The following CERT1 variants were observed in gnomAD, a reference collection of about 807,000 sequenced individuals.
CERT1 encodes ceramide transfer protein.
In CERT1, 31 loss-of-function variants were observed where a neutral mutation model predicts 87.9. The observed-to-expected ratio is 0.35, with a 90% CI of 0.27 to 0.48. The LOEUF is 0.48. Ranked by LOEUF, CERT1 falls within the 20% of genes least tolerant of loss-of-function variation. The probability of loss-of-function intolerance (pLI) is 0.99; values close to 1 mark genes in which losing one functional copy is unlikely to be tolerated. For missense variants in CERT1, 487 were observed against 758.0 expected (o/e 0.64, Z 4.20); for synonymous variants, 289 against 250.9 (o/e 1.15, Z -1.44).
chr5:75,413,456 TGACTAA>T (rs1390247473), intron 7 of CERT1, among the ~76,000 whole-genome samples: 1 of 152,160 alleles, frequency 6.6e-6, no homozygotes, highest in African/African-American at 2.4e-5. Context: ...TCCACCAGAA[TGACTAA>T]GCCAGGTGCA....
chr5:75,424,471 C>A (rs1490956782), intron 5 of CERT1, among the ~76,000 whole-genome samples: 1 of 151,776 alleles, frequency 6.6e-6, no homozygotes, highest in African/African-American at 2.4e-5. Flanking sequence ...ACTTGGGAGG[C>A]TGAGGCAGGA....
At chr5:75,438,573 GA>G (rs889660758) in intron 3 of CERT1, among the ~76,000 whole-genome samples, 34 of 151,882 alleles carry the variant, frequency 2.2e-4, no homozygotes, top group Non-Finnish European at 3.2e-4. Context: ...TCTTCCACAA[GA>G]AAAAAGAAGG....
At chr5:75,459,347 A>G (rs903542481) in intron 2 of CERT1, among the ~76,000 whole-genome samples, 166 bp from the exon 3 acceptor site, 1 of 152,214 alleles carries the variant, frequency 6.6e-6, no homozygotes, top group African/African-American at 2.4e-5. Flanking sequence ...GTACAAAGGC[A>G]CAGTTACCAA....
In CERT1 at chr5:75,395,140, C is replaced by T. The variant is rs528333421; in HGVS notation, c.1188+4170G>A. On this transcript the variant is annotated intron_variant, in intron 11 of 16. Coordinates refer to ENST00000643780, the MANE Select transcript of CERT1 (RefSeq NM_001379029.1). ...CCCCATAGATTAAGCTGCAAATTCA[C>T]TGTACATCCTTTGATTTCTTTCTTT... 3.3e-5 allele frequency among the ~76,000 whole-genome samples: 5 copies of T among 152,340 alleles called. No homozygotes were observed. The East Asian group carries it at 9.6e-4, about 29-fold the overall frequency.
At chr5:75,488,333 A>C (rs375774996) in intron 2 of CERT1, among the ~76,000 whole-genome samples, 7 of 152,040 alleles carry the variant, frequency 4.6e-5, no homozygotes, top group African/African-American at 1.7e-4. Context: ...ATGTACTCAT[A>C]ATATTTTTTT....
intron 2 of CERT1, among the ~76,000 whole-genome samples, chr5:75,473,806 A>G (rs80131497): frequency 0.047 from 7,089 of 152,328 alleles, 222 homozygotes; most frequent in South Asian, 0.074. Context: ...CAATGTATAT[A>G]TACTTCAAAA....
At chr5:75,470,071 C>T (rs993934140) in intron 2 of CERT1, among the ~76,000 whole-genome samples, 1 of 152,074 alleles carries the variant, frequency 6.6e-6, no homozygotes, top group East Asian at 1.9e-4. Flanking sequence ...CATATATTAA[C>T]AGATCTGGAG....
In CERT1 at chr5:75,389,726, T is replaced by A. The variant is rs749869718; in HGVS notation, c.1189-39A>T. 18 of 1,465,252 alleles carry A rather than the reference T, an allele frequency of 1.2e-5. No homozygotes were observed. The South Asian group carries it at 1.9e-4, about 16-fold the overall frequency. The allele number at this position is 1,465,252 out of a possible 1,614,324, so 90.8% of individuals were successfully genotyped here. A position where few individuals can be genotyped will look rare whatever the true frequency, so the allele number is the denominator to read the frequency against. ...GAAAAAGGCATGAGAATCCAAAAGG[T>A]ATGTCATAATCTCTAAAACAGAATG... On this transcript the variant is annotated intron_variant, in intron 11 of 16. Coordinates refer to ENST00000643780, the MANE Select transcript of CERT1 (RefSeq NM_001379029.1).
At chr5:75,446,898 G>T (rs1416612389) in intron 3 of CERT1, among the ~76,000 whole-genome samples, 2 of 152,204 alleles carry the variant, frequency 1.3e-5, no homozygotes, top group African/African-American at 4.8e-5. Context: ...GGCCCTTCAA[G>T]TCTCCTAGAA....
chr5:75,396,441 T>C (rs188298458), intron 11 of CERT1, among the ~76,000 whole-genome samples: 1 of 152,130 alleles, frequency 6.6e-6, no homozygotes, highest in African/African-American at 2.4e-5. Flanking sequence ...TTAAGAACGA[T>C]GTAGGCCAGG....
intron 11 of CERT1, among the ~76,000 whole-genome samples, chr5:75,398,064 C>G (rs1461238704): frequency 6.6e-6 from 1 of 151,854 alleles, no homozygotes; most frequent in African/African-American, 2.4e-5. Context: ...AATGGACAAG[C>G]AAAAGGTAAA....
In CERT1 at chr5:75,379,286, G is replaced by A. The variant is rs1485040670; in HGVS notation, c.*60C>T. 4 of 1,384,946 alleles carry A rather than the reference G, an allele frequency of 2.9e-6. 1 individual carries two copies. The highest frequency in any genetic ancestry group is 4.0e-5 in the Admixed American group (2 of 49,508). The allele number at this position is 1,384,946 out of a possible 1,614,324, so 85.8% of individuals were successfully genotyped here. On this transcript the variant is annotated 3_prime_UTR_variant, in exon 17 of 17. Coordinates refer to ENST00000643780, the MANE Select transcript of CERT1 (RefSeq NM_001379029.1). Reference sequence around the variant, plus strand: ...CAACAACTAAATTTTAGTATTGACAGTCATATTAGTCAAATAAAGTTAAAA... The same window carrying A: ...CAACAACTAAATTTTAGTATTGACAATCATATTAGTCAAATAAAGTTAAAA...
At chr5:75,421,942 G>A (rs6453134) in intron 5 of CERT1, among the ~76,000 whole-genome samples, 57,951 of 151,996 alleles carry the variant, frequency 0.38, 14,391 homozygotes, top group African/African-American at 0.71. Flanking sequence ...AAAGCCTTCT[G>A]TACAATATTT....
At chr5:75,394,371 T>C (rs755081180) in intron 11 of CERT1, among the ~76,000 whole-genome samples, 1 of 151,614 alleles carries the variant, frequency 6.6e-6, no homozygotes, top group Non-Finnish European at 1.5e-5. Context: ...GAAAAAAAAA[T>C]TAGCTGAGAG....
chr5:75,496,349 T>C (rs1203842038), intron 2 of CERT1, among the ~76,000 whole-genome samples: 1 of 146,582 alleles, frequency 6.8e-6, no homozygotes, highest in East Asian at 2.0e-4. Flanking sequence ...GCCAAGCAAA[T>C]GGAATTTTCA....
At chr5:75,477,467 C>CTATGA (rs757989437) in intron 2 of CERT1, among the ~76,000 whole-genome samples, 1 of 151,810 alleles carries the variant, frequency 6.6e-6, no homozygotes, top group Non-Finnish European at 1.5e-5. Context: ...AAGACATGAA[C>CTATGA]TATGATACTA....
chr5:75,384,881 C>T (rs1761723435), intron 13 of CERT1, among the ~76,000 whole-genome samples, 169 bp from the exon 14 acceptor site: 1 of 152,038 alleles, frequency 6.6e-6, no homozygotes. Context: ...ATTATGGTTA[C>T]AGATTAGGGA....
At chr5:75,419,289 T>G in intron 6 of CERT1, 52 bp downstream of exon 6, 2 of 1,198,582 alleles carry the variant, frequency 1.7e-6, no homozygotes, top group Non-Finnish European at 2.4e-6. Flanking sequence ...AGTTGTTACA[T>G]AACTTCTGAA....
At chr5:75,398,439 G>C (rs145961134) in intron 11 of CERT1, among the ~76,000 whole-genome samples, 2 of 152,230 alleles carry the variant, frequency 1.3e-5, no homozygotes, top group East Asian at 3.9e-4. Context: ...GCACAAAAAA[G>C]TTAGAAAACT....
Sources: gnomAD v4.1 joint callset for allele counts (sites outside exome capture counted in the v4.1 genomes callset) on GRCh38, gnomAD v4.1.1 for gene constraint, MANE v1.5 for transcripts, NCBI Gene and HGNC (gene_info 2026-07-23, HGNC 2026-07-21) for gene names.